TAMM41: variants seen among roughly 807,000 people sequenced by gnomAD.
TAMM41 encodes phosphatidate cytidylyltransferase, mitochondrial.
TAMM41 carries 36 observed loss-of-function variants against 44.1 expected under a neutral mutation model. That is an observed-to-expected ratio of 0.82 (90% CI 0.63 to 1.08). TAMM41 has a LOEUF of 1.08. Ranked by LOEUF, TAMM41 falls within the 50% of genes least tolerant of loss-of-function variation. The pLI is 0.00. For synonymous variants in TAMM41, 164 were observed against 153.1 expected (o/e 1.07, Z -0.53); for missense variants, 417 against 404.3 (o/e 1.03, Z -0.27).
intron 7 of TAMM41, among the ~76,000 whole-genome samples, chr3:11,794,143 C>G (rs1158503810): frequency 7.4e-6 from 1 of 135,350 alleles, no homozygotes; most frequent in African/African-American, 2.7e-5. Flanking sequence ...AGCTTACTTT[C>G]TTCAATTTTT....
At position 11,846,743 on chromosome 3, in the gene TAMM41, G is replaced by A; in HGVS notation, c.-107C>T. ...GGGTGGGAAATGGAAGTCGGAGACT[G>A]GATCGAGGGACACAAGGCTGAGTGT... On this transcript the variant is annotated 5_prime_UTR_variant, in exon 1 of 8. Coordinates refer to ENST00000455809, the MANE Select transcript of TAMM41 (RefSeq NM_001284401.2). The A allele has an allele frequency of 1.4e-6, 2 of 1,412,984 alleles. No homozygotes were observed. The highest frequency in any genetic ancestry group is 3.8e-4 in the Middle Eastern group (2 of 5,208). The allele number at this position is 1,412,984 out of a possible 1,614,324, so 87.5% of individuals were successfully genotyped here. A position where few individuals can be genotyped will look rare whatever the true frequency, so the allele number is the denominator to read the frequency against.
At chr3:11,809,349 T>C in intron 6 of TAMM41, 168 bp downstream of exon 6, 1 of 704,588 alleles carries the variant, frequency 1.4e-6, no homozygotes, top group African/African-American at 1.8e-5. Context: ...TTCAAACAAA[T>C]AAAAATGCAG....
chr3:11,833,883 T>C (rs1431235887), intron 3 of TAMM41, among the ~76,000 whole-genome samples: 5 of 152,130 alleles, frequency 3.3e-5, no homozygotes, highest in African/African-American at 1.2e-4. Context: ...ATAGTAAAAA[T>C]CATTGAATTG....
At chr3:11,728,069 G>A in the TAMM41 span, among the ~76,000 whole-genome samples, 3 of 151,964 alleles carry the variant, frequency 2.0e-5, no homozygotes, top group African/African-American at 7.3e-5. Flanking sequence ...TTACAGGCGT[G>A]AGCCACCGTG....
At chr3:11,818,328 TACG>T (rs1389597824) in intron 4 of TAMM41, among the ~76,000 whole-genome samples, 4 of 152,126 alleles carry the variant, frequency 2.6e-5, no homozygotes, top group African/African-American at 9.7e-5. Context: ...ATAATCACAC[TACG>T]ACAAGTATAA....
chr3:11,813,043 T>G (rs7652696), intron 5 of TAMM41, among the ~76,000 whole-genome samples: 3,146 of 152,262 alleles, frequency 0.021, 112 homozygotes, highest in African/African-American at 0.07. Flanking sequence ...TCATGCAGGC[T>G]TTTATAGGCC....
chr3:11,774,801 G>A, the TAMM41 span, among the ~76,000 whole-genome samples: 3 of 151,850 alleles, frequency 2.0e-5, no homozygotes, highest in African/African-American at 7.3e-5. Context: ...TGCTGATAGT[G>A]TCCTAATCTG....
At chr3:11,749,249 A>G in the TAMM41 span, among the ~76,000 whole-genome samples, 2 of 152,116 alleles carry the variant, frequency 1.3e-5, no homozygotes, top group Non-Finnish European at 2.9e-5. Flanking sequence ...TTTACAGTTG[A>G]GCAAAGAGGC....
chr3:11,843,985 G>A, intron 2 of TAMM41, 44 bp downstream of exon 2: 1 of 1,593,728 alleles, frequency 6.3e-7, no homozygotes, highest in Non-Finnish European at 8.6e-7. Flanking sequence ...AATAACCCAG[G>A]TAAATAACCA....
downstream of TAMM41, among the ~76,000 whole-genome samples, chr3:11,786,316 ATTT>A (rs1207402327): frequency 7.4e-6 from 1 of 134,698 alleles, no homozygotes; most frequent in African/African-American, 2.9e-5. Context: ...TATTATTATT[ATTT>A]TTTGAGATGG....
At chr3:11,837,787 G>T (rs944218140) in intron 3 of TAMM41, among the ~76,000 whole-genome samples, 5 of 152,174 alleles carry the variant, frequency 3.3e-5, no homozygotes, top group African/African-American at 1.2e-4. Flanking sequence ...GCTAAGGGAG[G>T]CTCCACTGAG....
Position 11,796,391 on chromosome 3 carries a change from A to C in TAMM41, c.938-5810T>G, listed in dbSNP as rs555702685. Among the ~76,000 whole-genome samples, 15 of 152,342 alleles carry C rather than the reference A, an allele frequency of 9.8e-5. No homozygotes were observed. The East Asian group carries it at 2.9e-3, about 29-fold the overall frequency. On this transcript the variant is annotated intron_variant, in intron 7 of 7. Transcript: ENST00000455809. ...AGAGAGAATAACATACCATAGTCAT[A>C]GAGTGAAGAAATGAATAATTCAGAA...
the TAMM41 span, among the ~76,000 whole-genome samples, chr3:11,753,836 G>C: frequency 6.6e-6 from 1 of 152,106 alleles, no homozygotes; most frequent in African/African-American, 2.4e-5. Context: ...CAATAAAGAA[G>C]GAGATTGTAT....
chr3:11,802,405 CAG>C (rs1455176824), intron 7 of TAMM41, among the ~76,000 whole-genome samples: 1 of 152,062 alleles, frequency 6.6e-6, no homozygotes, highest in Non-Finnish European at 1.5e-5. Flanking sequence ...AGAAGATCAT[CAG>C]AGACTATTAT....
chr3:11,742,965 A>G, the TAMM41 span, among the ~76,000 whole-genome samples: 1 of 152,078 alleles, frequency 6.6e-6, no homozygotes, highest in African/African-American at 2.4e-5. Flanking sequence ...CCTACTAAAG[A>G]CTAAAGCCAG....
chr3:11,846,787 C>T lies in TAMM41; in HGVS notation c.-151G>A. 2.1e-6 allele frequency: 2 copies of T among 955,654 alleles called. No individual in the cohort carries two copies. The highest frequency in any genetic ancestry group is 1.6e-6 in the Non-Finnish European group (1 of 641,834). 59.2% of individuals were successfully genotyped at this position (955,654 alleles called of 1,614,324 possible). Reference sequence around the variant, plus strand: ...TGAGTGTGGGGTGGGACTGCAAGCACACGCAAGGATTGGGGCGTTGGGCCA... The same window carrying T: ...TGAGTGTGGGGTGGGACTGCAAGCATACGCAAGGATTGGGGCGTTGGGCCA... On this transcript the variant is annotated 5_prime_UTR_variant, in exon 1 of 8. In the 5' UTR this introduces an upstream ATG that the reference lacks. Coordinates refer to ENST00000455809, the MANE Select transcript of TAMM41 (RefSeq NM_001284401.2).
At chr3:11,840,655 T>C (rs2079395553) in intron 2 of TAMM41, among the ~76,000 whole-genome samples, 1 of 151,826 alleles carries the variant, frequency 6.6e-6, no homozygotes, top group South Asian at 2.1e-4. Context: ...GTCCATGTGA[T>C]GTTAAAGGTG....
chr3:11,732,824 T>C, the TAMM41 span, among the ~76,000 whole-genome samples: 1 of 151,808 alleles, frequency 6.6e-6, no homozygotes, highest in African/African-American at 2.4e-5. Flanking sequence ...GATGGAAGGA[T>C]GGAAGGAAGG....
At chr3:11,836,384 C>T (rs1419755276) in intron 3 of TAMM41, among the ~76,000 whole-genome samples, 1 of 152,224 alleles carries the variant, frequency 6.6e-6, no homozygotes, top group Non-Finnish European at 1.5e-5. Flanking sequence ...TATGTAACAG[C>T]TAATAGGTGG....
Sources: allele counts gnomAD v4.1 joint callset (sites outside exome capture counted in the v4.1 genomes callset), GRCh38; gene constraint gnomAD v4.1.1; transcripts MANE v1.5; gene names NCBI Gene and HGNC (gene_info 2026-07-23, HGNC 2026-07-21).